Variants in MYOM3 observed in about 807,000 individuals in gnomAD.
The protein encoded by MYOM3 is myomesin-3.
In MYOM3, 155 loss-of-function variants were observed where a neutral mutation model predicts 191.7. The observed-to-expected ratio is 0.81, with a 90% CI of 0.71 to 0.92. The LOEUF (loss-of-function observed/expected upper bound fraction) is 0.92. MYOM3 is among the 40% of genes least tolerant of loss of function. The pLI is 0.00. For missense variants in MYOM3, 1,889 were observed against 1,890.6 expected, an observed-to-expected ratio of 1.00 and a Z score of 0.02; for synonymous variants, 757 against 762.9, an observed-to-expected ratio of 0.99 and a Z score of 0.13.
intron 15 of MYOM3, among the ~76,000 whole-genome samples, chr1:24,086,105 G>A (rs1444890354): frequency 6.6e-6 from 1 of 152,136 alleles, no homozygotes; most frequent in African/African-American, 2.4e-5. Flanking sequence ...GGAGACTCAG[G>A]AAGGAGCCAG....
At chr1:24,106,990 G>T in intron 4 of MYOM3, 83 bp downstream of exon 4, 4 of 1,373,374 alleles carry the variant, frequency 2.9e-6, no homozygotes, top group Non-Finnish European at 3.9e-6. Context: ...TGGATGTCCC[G>T]CCTCTTGGGA....
chr1:24,081,194 G>A lies in MYOM3; in HGVS notation c.2407+136C>T. The A allele has an allele frequency of 9.7e-6, 11 of 1,132,718 alleles. No homozygotes were observed. In the South Asian group the frequency reaches 1.7e-4, roughly 17 times the overall value. The allele number at this position is 1,132,718 out of a possible 1,614,324, so 70.2% of individuals were successfully genotyped here. ...GGAATTATAGAGTGGGTTTGTGCAAGGGCCAGGGGCCTGGGGTGCAGGACA... is the reference window on the plus strand; with the variant it reads ...GGAATTATAGAGTGGGTTTGTGCAAAGGCCAGGGGCCTGGGGTGCAGGACA... On this transcript the variant is annotated intron_variant, in intron 19 of 36. Coordinates refer to ENST00000374434, the MANE Select transcript of MYOM3 (RefSeq NM_152372.4).
chr1:24,080,174 C>A lies in MYOM3; in HGVS notation c.2428G>T (p.Ala810Ser). Residue 810 changes from alanine to serine, a missense_variant, in exon 20 of 37, where the codon GCA becomes TCA. Coordinates refer to ENST00000374434, the MANE Select transcript of MYOM3 (RefSeq NM_152372.4). ...AGGGATGTGGCCCGCACCTCGGATG[C>A]CCGTACATCGTACGGGGGGCCTGTG... is the stretch of plus-strand genomic sequence containing the variant. ...PQPGPPYDVR[A>S]SEVRATSLVL... 2 of 1,612,812 alleles carry A rather than the reference C, an allele frequency of 1.2e-6. No homozygotes were observed. The highest frequency in any genetic ancestry group is 1.7e-6 in the Non-Finnish European group (2 of 1,179,386).
chr1:24,099,040 C>T (rs191836869), intron 6 of MYOM3, among the ~76,000 whole-genome samples: 151 of 152,258 alleles, frequency 9.9e-4, no homozygotes, highest in African/African-American at 3.4e-3. Context: ...GGGCCTGGCA[C>T]CTGGGAGGAA....
chr1:24,094,999 G>A lies in MYOM3; in HGVS notation c.791-9C>T, dbSNP rs531859759. 1.9e-4 allele frequency: 299 copies of A among 1,610,238 alleles called. 2 individuals are homozygous for A. The South Asian group carries it at 3.0e-3, about 16-fold the overall frequency. ...GGGGCCAAACGTCGATCCTGGCGTG[G>A]GAATGAAATTTGGGGCAGAAGTTTT... On this transcript the variant is annotated splice_polypyrimidine_tract_variant and intron_variant, in intron 8 of 36. Transcript: ENST00000374434.
At position 24,063,449 on chromosome 1, in the gene MYOM3, C is replaced by T. The variant is rs1314747536; in HGVS notation, c.3661+43G>A. On this transcript the variant is annotated intron_variant, in intron 31 of 36. Transcript: ENST00000374434. The surrounding 1 kb of genome is among the most constrained non-coding windows in gnomAD (Gnocchi z 4.5). The stretch of plus-strand genomic sequence containing the variant: ...GTTAGGCTGCTTGGAGGCTGTTGGG[C>T]ATCAGGGCAGGGCAGGGCTGGGCAA... 1 of 1,612,930 alleles carries T rather than the reference C, an allele frequency of 6.2e-7. No homozygotes were observed. The highest frequency in any genetic ancestry group is 2.2e-5 in the East Asian group (1 of 44,868).
chr1:24,102,342 C>T (rs961484098), intron 5 of MYOM3, among the ~76,000 whole-genome samples: 2 of 152,146 alleles, frequency 1.3e-5, no homozygotes, highest in African/African-American at 4.8e-5. Context: ...AGGCCCCCTA[C>T]CACACACCTG....
intron 12 of MYOM3, 114 bp downstream of exon 12, chr1:24,090,683 T>A: frequency 1.9e-6 from 2 of 1,029,124 alleles, no homozygotes; most frequent in Admixed American, 2.0e-5. Flanking sequence ...GGCTGGGCTG[T>A]GCTTCCTCCA....
At chr1:24,106,957 G>A in intron 4 of MYOM3, 116 bp downstream of exon 4, 1 of 1,050,122 alleles carries the variant, frequency 9.5e-7, no homozygotes, top group Non-Finnish European at 1.3e-6. Context: ...ATCAGATGCA[G>A]ACCCAAAGCC....
chr1:24,082,303 G>A lies in MYOM3; in HGVS notation c.2093-115C>T. 3.8e-6 allele frequency: 4 copies of A among 1,047,906 alleles called. No individual in the cohort carries two copies. The East Asian group carries it at 8.0e-5, about 21-fold the overall frequency. The allele number at this position is 1,047,906 out of a possible 1,614,324, so 64.9% of individuals were successfully genotyped here. ...AGTTGGTGCCTGCCCTACTCCAGGGGTTTTTCCCTGAGCCAGTAGTATCTG... is the reference window on the plus strand; with the variant it reads ...AGTTGGTGCCTGCCCTACTCCAGGGATTTTTCCCTGAGCCAGTAGTATCTG... On this transcript the variant is annotated intron_variant, in intron 17 of 36. Transcript: ENST00000374434.
intron 1 of MYOM3, among the ~76,000 whole-genome samples, chr1:24,109,704 C>T (rs1269661296): frequency 6.6e-6 from 1 of 152,186 alleles, no homozygotes; most frequent in Non-Finnish European, 1.5e-5. Flanking sequence ...CCATTATTAT[C>T]CCATTTTACT....
chr1:24,081,589 G>T (rs1421404113), intron 18 of MYOM3, 133 bp from the exon 19 acceptor site: 1 of 1,055,954 alleles, frequency 9.5e-7, no homozygotes, highest in African/African-American at 1.6e-5. Context: ...TTGAGACATG[G>T]TCTCACTTTG....
At chr1:24,083,058 C>G (rs910947400) in intron 16 of MYOM3, 1 of 182,790 alleles carries the variant, frequency 5.5e-6, no homozygotes, top group Non-Finnish European at 1.1e-5. Context: ...TGAAAAAGAA[C>G]ATGTGGCTGT....
rs1272139775 is a variant in MYOM3 at position 24,068,129 on chromosome 1, G to A, written c.3295+94C>T. On this transcript the variant is annotated intron_variant, in intron 26 of 36. Coordinates refer to ENST00000374434, the MANE Select transcript of MYOM3 (RefSeq NM_152372.4). ...AAGTCGAGGGGGCTGTGCTCAGCAG[G>A]CTGCAGAGCCGAGGACTCAGGGCTG... 18 of 1,554,462 alleles carry A rather than the reference G, an allele frequency of 1.2e-5. No individual in the cohort carries two copies. The East Asian group carries it at 3.4e-4, about 29-fold the overall frequency.
In MYOM3 at chr1:24,076,356, C is replaced by T. The variant is rs74877397; in HGVS notation, c.2587-83G>A. ...GGGCCCCAGGGAGCAGGGAGCCACT[C>T]TCAATAAGAAAACCCTCTCCCTTCT... On this transcript the variant is annotated intron_variant, in intron 20 of 36. Transcript: ENST00000374434. 3,699 of 974,808 alleles carry T rather than the reference C, an allele frequency of 3.8e-3. 94 individuals carry two copies. In the African/African-American group the frequency reaches 0.052, roughly 14 times the overall value. The allele number at this position is 974,808 out of a possible 1,614,324, so 60.4% of individuals were successfully genotyped here. A position where few individuals can be genotyped will look rare whatever the true frequency, so the allele number is the denominator to read the frequency against.
intron 21 of MYOM3, 31 bp downstream of exon 21, chr1:24,076,123 CAGTGG>C: frequency 6.5e-7 from 1 of 1,535,598 alleles, no homozygotes; most frequent in Non-Finnish European, 9.0e-7. Context: ...TGGCGTAGCC[CAGTGG>C]CAGAGCTCTG....
chr1:24,107,923 A>T (rs896813970), intron 3 of MYOM3, 70 bp downstream of exon 3: 1 of 1,341,806 alleles, frequency 7.5e-7, no homozygotes. Context: ...AAAGGCCAGC[A>T]GGGAGGCCGG....
chr1:24,066,932 G>T (rs1327501871), intron 28 of MYOM3, 89 bp downstream of exon 28: 5 of 1,211,070 alleles, frequency 4.1e-6, no homozygotes, highest in Admixed American at 2.2e-5. Flanking sequence ...AATTTAGGGG[G>T]CCGGGTGGGC....
intron 1 of MYOM3, among the ~76,000 whole-genome samples, chr1:24,109,902 T>C (rs1316899666): frequency 6.6e-6 from 1 of 152,206 alleles, no homozygotes; most frequent in Non-Finnish European, 1.5e-5. Flanking sequence ...GGGATTGCAA[T>C]GTACACATCT....
Sources: gnomAD v4.1 joint callset for allele counts (sites outside exome capture counted in the v4.1 genomes callset) on GRCh38, gnomAD v4.1.1 for gene constraint, Gnocchi (gnomAD v3.1) non-coding constraint, MANE v1.5 for transcripts, NCBI Gene and HGNC (gene_info 2026-07-23, HGNC 2026-07-21) for gene names.